The following OPCML variants were observed in gnomAD, a reference collection of about 807,000 sequenced individuals.
OPCML encodes the protein opioid-binding protein/cell adhesion molecule.
OPCML carries 13 observed loss-of-function variants against 37.8 expected under a neutral mutation model. The ratio of observed to expected loss-of-function variants is 0.34; its 90% CI spans 0.22 to 0.55. The LOEUF (loss-of-function observed/expected upper bound fraction) is 0.55. Among genes scored for constraint, OPCML ranks in the 20% least tolerant of loss-of-function variants. OPCML has a pLI of 0.91. For synonymous variants in OPCML, 176 were observed against 168.8 expected (o/e 1.04, Z -0.33); for missense variants, 341 against 435.6 (o/e 0.78, Z 1.93).
intron 1 of OPCML, among the ~76,000 whole-genome samples, chr11:133,126,090 C>T (rs1197271583): frequency 6.6e-6 from 1 of 151,024 alleles, no homozygotes; most frequent in South Asian, 2.1e-4. Flanking sequence ...CACACACACA[C>T]ACACATATAT....
chr11:132,585,331 G>A (rs985615472), intron 3 of OPCML, among the ~76,000 whole-genome samples: 4 of 151,740 alleles, frequency 2.6e-5, no homozygotes, highest in African/African-American at 9.7e-5. Flanking sequence ...GGTTATTTAA[G>A]GTTACTTTTT....
intron 2 of OPCML, among the ~76,000 whole-genome samples, chr11:132,661,496 C>A (rs557841744): frequency 6.6e-6 from 1 of 152,264 alleles, no homozygotes; most frequent in Non-Finnish European, 1.5e-5. Context: ...AAAAAGTTGG[C>A]TTGAGTGCTC....
chr11:133,081,872 C>G (rs1327547536), intron 1 of OPCML, among the ~76,000 whole-genome samples: 1 of 151,810 alleles, frequency 6.6e-6, no homozygotes, highest in Non-Finnish European at 1.5e-5. Context: ...CCACCCTTCT[C>G]AGCAGCCTTC....
At chr11:133,364,229 C>G (rs74472057) in intron 1 of OPCML, among the ~76,000 whole-genome samples, 2,338 of 152,324 alleles carry the variant, frequency 0.015, 55 homozygotes, top group African/African-American at 0.052. Flanking sequence ...TACACGCATG[C>G]ACATGTGCAT....
intron 4 of OPCML, among the ~76,000 whole-genome samples, chr11:132,525,232 T>C (rs2096304979): frequency 6.6e-6 from 1 of 152,236 alleles, no homozygotes; most frequent in Admixed American, 6.5e-5. Context: ...GATTTATTTA[T>C]TCATTTATTT....
At chr11:132,712,387 G>A (rs1944303154) in intron 2 of OPCML, among the ~76,000 whole-genome samples, 2 of 151,588 alleles carry the variant, frequency 1.3e-5, no homozygotes, top group African/African-American at 4.8e-5. Context: ...CACTTAATAA[G>A]GCTCCCCCTC....
intron 2 of OPCML, among the ~76,000 whole-genome samples, chr11:132,919,233 C>T (rs7111901): frequency 0.22 from 33,996 of 152,068 alleles, 6,493 homozygotes; most frequent in African/African-American, 0.51. Flanking sequence ...GCTACCAGGA[C>T]GCAGACCAAC....
At chr11:132,632,935 T>A (rs1179907481) in intron 3 of OPCML, among the ~76,000 whole-genome samples, 2 of 147,196 alleles carry the variant, frequency 1.4e-5, no homozygotes, top group Non-Finnish European at 3.0e-5. Flanking sequence ...CTAATGATGT[T>A]CTCACCATAT....
At chr11:133,168,205 C>T (rs577550095) in intron 1 of OPCML, among the ~76,000 whole-genome samples, 27 of 152,250 alleles carry the variant, frequency 1.8e-4, no homozygotes, top group Admixed American at 5.2e-4. Flanking sequence ...AATGCCTCCC[C>T]GAATTGCGCA....
At chr11:133,164,882 G>A (rs1950189233) in intron 1 of OPCML, among the ~76,000 whole-genome samples, 1 of 152,206 alleles carries the variant, frequency 6.6e-6, no homozygotes, top group Admixed American at 6.5e-5. Flanking sequence ...GGAACTCTGA[G>A]TCCATTTGCT....
chr11:132,689,219 G>T (rs976734197), intron 2 of OPCML, among the ~76,000 whole-genome samples: 5 of 152,150 alleles, frequency 3.3e-5, no homozygotes, highest in Admixed American at 6.6e-5. Flanking sequence ...ATTGTGAAGG[G>T]CAATTAGATT....
chr11:132,650,081 G>A (rs1451265488), intron 3 of OPCML, among the ~76,000 whole-genome samples: 10 of 152,096 alleles, frequency 6.6e-5, no homozygotes, highest in African/African-American at 1.4e-4. Flanking sequence ...TCCGCTTGAC[G>A]TGGGTTGTGG....
At chr11:132,676,411 A>C (rs1942703082) in intron 2 of OPCML, among the ~76,000 whole-genome samples, 1 of 152,100 alleles carries the variant, frequency 6.6e-6, no homozygotes, top group Non-Finnish European at 1.5e-5. Flanking sequence ...AAGTATAAGC[A>C]ACAAATAAAA....
At chr11:133,392,934 G>A (rs1000248326) in intron 1 of OPCML, among the ~76,000 whole-genome samples, 6 of 152,100 alleles carry the variant, frequency 3.9e-5, no homozygotes, top group African/African-American at 7.2e-5. Context: ...TGAAAAATTT[G>A]AGTCATCCCA....
At chr11:133,357,235 G>A (rs1944309041) in intron 1 of OPCML, among the ~76,000 whole-genome samples, 1 of 152,166 alleles carries the variant, frequency 6.6e-6, no homozygotes, top group African/African-American at 2.4e-5. Flanking sequence ...ATAAGTAAGA[G>A]GCATGGACAT....
At chr11:132,835,660 T>A (rs1940961566) in intron 2 of OPCML, among the ~76,000 whole-genome samples, 1 of 152,246 alleles carries the variant, frequency 6.6e-6, no homozygotes, top group Non-Finnish European at 1.5e-5. Flanking sequence ...TATTTGTGAA[T>A]CCCTGGACCC....
At chr11:132,560,650 G>T (rs778940415) in intron 3 of OPCML, among the ~76,000 whole-genome samples, 45 of 152,302 alleles carry the variant, frequency 3.0e-4, no homozygotes, top group Non-Finnish European at 5.4e-4. Context: ...GTATCACATT[G>T]TGGTTTTGAT....
intron 1 of OPCML, among the ~76,000 whole-genome samples, chr11:133,083,154 A>ACACG (rs1383080406): frequency 1.3e-5 from 2 of 150,690 alleles, no homozygotes; most frequent in African/African-American, 5.0e-5. Flanking sequence ...GCACACACAC[A>ACACG]CACGCACACA....
At chr11:132,905,684 C>A (rs1317650749) in intron 2 of OPCML, among the ~76,000 whole-genome samples, 3 of 151,838 alleles carry the variant, frequency 2.0e-5, no homozygotes, top group Non-Finnish European at 2.9e-5. Flanking sequence ...CCAATAGTGG[C>A]AGGATAATCT....
Sources: gnomAD v4.1 joint callset for allele counts (sites outside exome capture counted in the v4.1 genomes callset) on GRCh38, gnomAD v4.1.1 for gene constraint, MANE v1.5 for transcripts, NCBI Gene and HGNC (gene_info 2026-07-23, HGNC 2026-07-21) for gene names.